The following SEL1L3 variants were observed in gnomAD, a reference collection of about 807,000 sequenced individuals.
SEL1L3 encodes protein sel-1 homolog 3.
A neutral mutation model predicts 142.8 loss-of-function variants in SEL1L3; 76 were observed. That is an observed-to-expected ratio of 0.53 (90% CI 0.44 to 0.64). The LOEUF is 0.64. Ranked by LOEUF, SEL1L3 falls within the 30% of genes least tolerant of loss-of-function variation. The pLI is 0.00. For missense variants in SEL1L3, 1,262 were observed against 1,381.7 expected (o/e 0.91, Z 1.37); for synonymous variants, 504 against 519.6 (o/e 0.97, Z 0.41).
chr4:25,741,122 T>A, the SEL1L3 span, among the ~76,000 whole-genome samples: 1 of 149,916 alleles, frequency 6.7e-6, no homozygotes, highest in Non-Finnish European at 1.5e-5. Context: ...TTTTTTTTTT[T>A]AGATGGAGTT....
Position 25,788,598 on chromosome 4 carries a change from G to A in SEL1L3, c.2077-234C>T, listed in dbSNP as rs141478040. The stretch of plus-strand genomic sequence containing the variant: ...TGTGTGTGTGTGTGTGTGTGTGTGT[G>A]TGTGTGTGTGTGTGTGTGTGTGTAT... On this transcript the variant is annotated intron_variant, in intron 12 of 23. Coordinates refer to ENST00000399878, the MANE Select transcript of SEL1L3 (RefSeq NM_015187.5). The surrounding 1 kb of genome is among the most constrained non-coding windows in gnomAD (Gnocchi z 5.3). Among the ~76,000 whole-genome samples, 24,785 of 150,134 alleles carry A rather than the reference G, an allele frequency of 0.17. 2,130 individuals carry two copies. The highest frequency in any genetic ancestry group is 0.23 in the Middle Eastern group (68 of 290).
At chr4:25,816,150 A>C (rs531028978) in intron 9 of SEL1L3, among the ~76,000 whole-genome samples, 10 of 147,620 alleles carry the variant, frequency 6.8e-5, no homozygotes, top group Non-Finnish European at 1.2e-4. Flanking sequence ...ATATACATAT[A>C]TTATATATGT....
the SEL1L3 span, among the ~76,000 whole-genome samples, chr4:25,722,624 C>CTTTTTTTT: frequency 9.6e-6 from 1 of 103,670 alleles, no homozygotes; most frequent in African/African-American, 3.6e-5. Flanking sequence ...CCAAAGGAGG[C>CTTTTTTTT]TTTTTTTTTT....
At chr4:25,791,051 A>G (rs532475958) in intron 11 of SEL1L3, among the ~76,000 whole-genome samples, 1 of 152,380 alleles carries the variant, frequency 6.6e-6, no homozygotes, top group African/African-American at 2.4e-5. Context: ...TTATTTCCAC[A>G]TCTACTTCTA....
chr4:25,715,524 C>T, the SEL1L3 span, among the ~76,000 whole-genome samples: 1 of 151,948 alleles, frequency 6.6e-6, no homozygotes, highest in African/African-American at 2.4e-5. Context: ...CAATATCTGT[C>T]AAAATTACAA....
chr4:25,842,497 T>C (rs1156945200), intron 2 of SEL1L3, among the ~76,000 whole-genome samples: 1 of 152,228 alleles, frequency 6.6e-6, no homozygotes, highest in Non-Finnish European at 1.5e-5. Flanking sequence ...TGAGCTTACC[T>C]GTGGCTGCAA....
the SEL1L3 span, among the ~76,000 whole-genome samples, chr4:25,722,624 C>CTTTTT: frequency 9.6e-4 from 100 of 103,666 alleles, 11 homozygotes; most frequent in African/African-American, 3.5e-3. Flanking sequence ...CCAAAGGAGG[C>CTTTTT]TTTTTTTTTT....
At chr4:25,723,299 A>G in the SEL1L3 span, among the ~76,000 whole-genome samples, 92 of 152,296 alleles carry the variant, frequency 6.0e-4, 1 homozygote, top group Non-Finnish European at 1.9e-4. Context: ...TTTTTCTAAG[A>G]TGGAGTTACT....
chr4:25,835,347 T>C, intron 2 of SEL1L3, 24 bp from the exon 3 acceptor site: 5 of 1,611,808 alleles, frequency 3.1e-6, no homozygotes, highest in Non-Finnish European at 3.4e-6. Flanking sequence ...AATGGCTCCC[T>C]TTCAATTATA....
chr4:25,797,440 C>T (rs772992118), intron 11 of SEL1L3, among the ~76,000 whole-genome samples: 2 of 152,106 alleles, frequency 1.3e-5, no homozygotes, highest in African/African-American at 4.8e-5. Flanking sequence ...AGTAGGAGTG[C>T]GTGTGTTTTC....
chr4:25,783,466 C>T (rs1711564004), intron 14 of SEL1L3, among the ~76,000 whole-genome samples: 1 of 152,200 alleles, frequency 6.6e-6, no homozygotes, highest in Non-Finnish European at 1.5e-5. Flanking sequence ...TATTGGCAGC[C>T]TTGGGAGGCA....
At chr4:25,722,286 G>A in the SEL1L3 span, among the ~76,000 whole-genome samples, 4 of 152,132 alleles carry the variant, frequency 2.6e-5, no homozygotes, top group Non-Finnish European at 5.9e-5. Flanking sequence ...CTCTTGGTAC[G>A]AAAGAGGACG....
chr4:25,717,377 A>G, the SEL1L3 span, among the ~76,000 whole-genome samples: 1 of 152,144 alleles, frequency 6.6e-6, no homozygotes, highest in Non-Finnish European at 1.5e-5. Context: ...ATAAAAACCA[A>G]TGATTGTGCA....
intron 19 of SEL1L3, among the ~76,000 whole-genome samples, chr4:25,765,832 T>G (rs2109136117): frequency 6.6e-6 from 1 of 151,490 alleles, no homozygotes; most frequent in African/African-American, 2.4e-5. Context: ...AGAGACGGGG[T>G]TTCACCATGT....
chr4:25,835,636 G>A lies in SEL1L3; in HGVS notation c.734-313C>T, dbSNP rs76503846. Among the ~76,000 whole-genome samples the A allele has an allele frequency of 3.1e-3, 475 of 152,322 alleles. 2 individuals carry two copies. Among genetic ancestry groups the A allele is most frequent in the Non-Finnish European group, 4.6e-3 (311 of 68,014 alleles). On this transcript the variant is annotated intron_variant, in intron 2 of 23. Coordinates refer to ENST00000399878, the MANE Select transcript of SEL1L3 (RefSeq NM_015187.5). Reference sequence around the variant, plus strand: ...ACCACAATTCAGGTTCTGAACTCAGGCTTCTGTGTTCATAATCATTTCACA... The same window carrying A: ...ACCACAATTCAGGTTCTGAACTCAGACTTCTGTGTTCATAATCATTTCACA...
At chr4:25,834,411 G>T (rs1256446754) in intron 3 of SEL1L3, among the ~76,000 whole-genome samples, 2 of 152,202 alleles carry the variant, frequency 1.3e-5, no homozygotes, top group African/African-American at 4.8e-5. Flanking sequence ...AGGTCAAAAT[G>T]AATGCATTGA....
At chr4:25,803,238 A>G (rs1713313057) in intron 10 of SEL1L3, among the ~76,000 whole-genome samples, 1 of 152,248 alleles carries the variant, frequency 6.6e-6, no homozygotes, top group South Asian at 2.1e-4. Flanking sequence ...TCGATTGTCC[A>G]TGGTCAACCA....
chr4:25,784,175 C>T (rs1341669849), intron 14 of SEL1L3, 53 bp downstream of exon 14: 22 of 1,373,438 alleles, frequency 1.6e-5, no homozygotes, highest in Admixed American at 3.4e-5. Flanking sequence ...CGTGCGAGAG[C>T]GTGTGGGAGT....
At chr4:25,825,971 C>T (rs1215392830) in intron 6 of SEL1L3, among the ~76,000 whole-genome samples, 2 of 151,958 alleles carry the variant, frequency 1.3e-5, no homozygotes, top group Non-Finnish European at 2.9e-5. Flanking sequence ...CACGCCCGGC[C>T]GGCCTGGTCT....
Sources: gnomAD v4.1 joint callset for allele counts (sites outside exome capture counted in the v4.1 genomes callset) on GRCh38, gnomAD v4.1.1 for gene constraint, Gnocchi (gnomAD v3.1) non-coding constraint, MANE v1.5 for transcripts, NCBI Gene and HGNC (gene_info 2026-07-23, HGNC 2026-07-21) for gene names.